Variants in MYO3B observed in about 807,000 individuals in gnomAD.
The protein encoded by MYO3B is myosin-IIIb.
MYO3B carries 156 observed loss-of-function variants against 174.6 expected under a neutral mutation model. The ratio of observed to expected loss-of-function variants is 0.89; its 90% CI spans 0.78 to 1.02. MYO3B has a LOEUF of 1.02. MYO3B is among the 50% of genes least tolerant of loss of function. MYO3B has a pLI of 0.00. For missense variants in MYO3B, 1,632 were observed against 1,639.4 expected (o/e 1.00, Z 0.08); for synonymous variants, 563 against 569.1 (o/e 0.99, Z 0.15).
At chr2:170,180,272 G>A in intron 1 of MYO3B, 1 of 330,322 alleles carries the variant, frequency 3.0e-6, no homozygotes, top group African/African-American at 2.1e-5. Flanking sequence ...ACTAAAACTA[G>A]CTCACGAGAA....
chr2:170,245,804 A>T (rs1384132627), intron 7 of MYO3B, among the ~76,000 whole-genome samples: 1 of 152,248 alleles, frequency 6.6e-6, no homozygotes, highest in Non-Finnish European at 1.5e-5. Flanking sequence ...CAGGGTCCTC[A>T]GTCCTTGATA....
chr2:170,327,898 T>TAA (rs1553598045), intron 7 of MYO3B, among the ~76,000 whole-genome samples: 1 of 147,244 alleles, frequency 6.8e-6, no homozygotes, highest in African/African-American at 2.5e-5. Flanking sequence ...TATATATATA[T>TAA]AATGTATAAA....
At chr2:170,648,389 G>T (rs1478120856) in intron 32 of MYO3B, among the ~76,000 whole-genome samples, 1 of 151,894 alleles carries the variant, frequency 6.6e-6, no homozygotes, top group Non-Finnish European at 1.5e-5. Context: ...CAGCACTTTG[G>T]GAGGCTGAGC....
intron 32 of MYO3B, among the ~76,000 whole-genome samples, chr2:170,612,443 T>C (rs2105296642): frequency 6.6e-6 from 1 of 152,340 alleles, no homozygotes; most frequent in Middle Eastern, 3.4e-3. Context: ...TATGCCACTC[T>C]TACTTATTAC....
At chr2:170,264,666 A>G (rs1574679070) in intron 7 of MYO3B, among the ~76,000 whole-genome samples, 1 of 152,198 alleles carries the variant, frequency 6.6e-6, no homozygotes, top group African/African-American at 2.4e-5. Flanking sequence ...AAGAGATGGT[A>G]TGGCAAAATA....
At chr2:170,540,662 CAACAAAAAA>C (rs1690034093) in intron 30 of MYO3B, among the ~76,000 whole-genome samples, 1 of 143,438 alleles carries the variant, frequency 7.0e-6, no homozygotes, top group African/African-American at 2.6e-5. Context: ...AAACAAAAAA[CAACAAAAAA>C]AACAAAAAAA....
chr2:170,533,817 G>T (rs1440810850), intron 30 of MYO3B, among the ~76,000 whole-genome samples: 2 of 152,082 alleles, frequency 1.3e-5, no homozygotes, highest in African/African-American at 2.4e-5. Context: ...TGTCTTGTGT[G>T]TTTATTTTGT....
intron 32 of MYO3B, among the ~76,000 whole-genome samples, chr2:170,609,804 G>C (rs971369950): frequency 6.6e-6 from 1 of 152,200 alleles, no homozygotes; most frequent in Non-Finnish European, 1.5e-5. Context: ...CCATATCTCA[G>C]ATCTCCTAGA....
intron 7 of MYO3B, among the ~76,000 whole-genome samples, chr2:170,298,442 C>T (rs538598835): frequency 5.3e-5 from 8 of 152,048 alleles, no homozygotes; most frequent in Non-Finnish European, 7.4e-5. Context: ...TTTGGGAGGC[C>T]GAGGTGGGTG....
At chr2:170,648,613 ACT>A (rs1469254277) in intron 32 of MYO3B, among the ~76,000 whole-genome samples, 3 of 143,756 alleles carry the variant, frequency 2.1e-5, no homozygotes, top group Non-Finnish European at 4.5e-5. Flanking sequence ...ACAGAATGAG[ACT>A]CTGTCTCAAA....
chr2:170,243,540 T>C (rs2093159256), intron 7 of MYO3B, among the ~76,000 whole-genome samples: 1 of 152,206 alleles, frequency 6.6e-6, no homozygotes, highest in South Asian at 2.1e-4. Context: ...TGCATGTCTG[T>C]GTGTGTCAGT....
intron 23 of MYO3B, among the ~76,000 whole-genome samples, chr2:170,448,617 C>T (rs1197049710): frequency 6.6e-6 from 1 of 152,158 alleles, no homozygotes; most frequent in Non-Finnish European, 1.5e-5. Context: ...TATAGAACAA[C>T]ATACTATATG....
intron 25 of MYO3B, among the ~76,000 whole-genome samples, chr2:170,475,637 C>T (rs1233801770): frequency 6.6e-6 from 1 of 152,170 alleles, no homozygotes; most frequent in Admixed American, 6.5e-5. Flanking sequence ...ACACTTTGTG[C>T]CTTGCTAACT....
rs938660887 is a variant in MYO3B at position 170,490,769 on chromosome 2, T to A, written c.3015-7823T>A. ...TTTTAAATTTTTAATAAGAATTAGATGTTGGATTTTGTCAAATGCTTTTTT... is the reference window on the plus strand; with the variant it reads ...TTTTAAATTTTTAATAAGAATTAGAAGTTGGATTTTGTCAAATGCTTTTTT... On this transcript the variant is annotated intron_variant, in intron 25 of 34. Transcript: ENST00000408978. 3.3e-5 allele frequency among the ~76,000 whole-genome samples: 5 copies of A among 152,166 alleles called. No individual in the cohort carries two copies. In the East Asian group the frequency reaches 9.6e-4, roughly 29 times the overall value.
rs574530137 is a variant in MYO3B, at chr2:170,264,042, C to T, written c.749+27906C>T. Among the ~76,000 whole-genome samples, 8 of 152,302 alleles carry T rather than the reference C, an allele frequency of 5.3e-5. No individual in the cohort carries two copies. In the East Asian group the frequency reaches 9.7e-4, roughly 18 times the overall value. On this transcript the variant is annotated intron_variant, in intron 7 of 34. Transcript: ENST00000408978. The stretch of plus-strand genomic sequence containing the variant: ...GTGGTGATGACTTTTAACAAGCATA[C>T]TGCCTTCAAGCACTTGTTTAACAAA...
chr2:170,199,647 G>A (rs1418980033), intron 2 of MYO3B, among the ~76,000 whole-genome samples: 2 of 152,156 alleles, frequency 1.3e-5, no homozygotes, highest in Non-Finnish European at 2.9e-5. Context: ...CTCTTGGAAA[G>A]AGTAATATAT....
intron 7 of MYO3B, among the ~76,000 whole-genome samples, chr2:170,264,849 GC>G (rs1318078514): frequency 6.6e-6 from 1 of 152,206 alleles, no homozygotes; most frequent in African/African-American, 2.4e-5. Flanking sequence ...AAGGTAAGGA[GC>G]AAAAGCTAGT....
chr2:170,653,164 C>G lies in MYO3B; in HGVS notation c.*43C>G. The G allele has an allele frequency of 6.2e-7, 1 of 1,610,638 alleles. No individual in the cohort carries two copies. Among genetic ancestry groups the G allele is most frequent in the Non-Finnish European group, 8.5e-7 (1 of 1,177,264 alleles). ...TAAATCTGTCCAGAGTAGGAACATT[C>G]ATGGTAATCGACTGTCTGTCATTGC... is the stretch of plus-strand genomic sequence containing the variant. On this transcript the variant is annotated 3_prime_UTR_variant, in exon 35 of 35. Transcript: ENST00000408978.
intron 23 of MYO3B, among the ~76,000 whole-genome samples, chr2:170,452,574 T>C (rs1683659090): frequency 6.6e-6 from 1 of 152,214 alleles, no homozygotes; most frequent in African/African-American, 2.4e-5. Context: ...TTAAAAAAAC[T>C]TTTAAAATCT....
Sources: gnomAD v4.1 joint callset for allele counts (sites outside exome capture counted in the v4.1 genomes callset) on GRCh38, gnomAD v4.1.1 for gene constraint, MANE v1.5 for transcripts, NCBI Gene and HGNC (gene_info 2026-07-23, HGNC 2026-07-21) for gene names.